MACROH2A2: variants seen among roughly 807,000 people sequenced by gnomAD.
MACROH2A2 encodes the protein macroH2A.2 histone, also known as core histone macro-H2A.2.
In MACROH2A2, 6 loss-of-function variants were observed where a neutral mutation model predicts 37.6. The observed-to-expected ratio is 0.16, with a 90% CI of 0.09 to 0.32. MACROH2A2 has a LOEUF of 0.32. Among genes scored for constraint, MACROH2A2 ranks in the 10% least tolerant of loss-of-function variants. The pLI, the probability that MACROH2A2 is intolerant of heterozygous loss-of-function variation, is 1.00. For missense variants in MACROH2A2, 290 were observed against 485.9 expected, an observed-to-expected ratio of 0.60 and a Z score of 3.79; for synonymous variants, 192 against 202.7, an observed-to-expected ratio of 0.95 and a Z score of 0.45.
chr10:70,063,539 A>AT, intron 1 of MACROH2A2, among the ~76,000 whole-genome samples: 1 of 152,276 alleles, frequency 6.6e-6, no homozygotes, highest in African/African-American at 2.4e-5. Flanking sequence ...TGTGATCTTA[A>AT]TTTTTTAACA....
At chr10:70,105,267 C>T (rs954350705) in intron 7 of MACROH2A2, among the ~76,000 whole-genome samples, 12 of 152,174 alleles carry the variant, frequency 7.9e-5, no homozygotes, top group African/African-American at 2.4e-4. Context: ...TGCTGTCGGG[C>T]GCAGGCATCA....
intron 7 of MACROH2A2, among the ~76,000 whole-genome samples, chr10:70,105,999 C>G (rs899070427): frequency 1.3e-5 from 2 of 152,018 alleles, no homozygotes; most frequent in African/African-American, 4.8e-5. Context: ...AGCACTGGGC[C>G]CAGACACGCA....
Position 70,090,129 on chromosome 10 carries a change from T to C in MACROH2A2, c.242T>C (p.Ile81Thr). ...AAGGCCCGGATAGCCCCGAGACACA[T>C]CTTGCTGGCAGTTGCCAATGACGAG... The part of the protein sequence containing the change: ...NKKARIAPRH[I>T]LLAVANDEEL... Residue 81 changes from isoleucine (I) to threonine (T), a missense_variant, in exon 3 of 9, where the codon ATC becomes ACC. Ile to Thr is a moderately conservative substitution (Grantham distance 89). Coordinates refer to ENST00000373255, the MANE Select transcript of MACROH2A2 (RefSeq NM_018649.3). 6.2e-7 allele frequency: 1 copy of C among 1,613,832 alleles called. No homozygotes were observed. Among genetic ancestry groups the C allele is most frequent in the Non-Finnish European group, 8.5e-7 (1 of 1,179,714 alleles).
At position 70,095,580 on chromosome 10, in the gene MACROH2A2, A is replaced by G. The variant is rs2072271919; in HGVS notation, c.589-74A>G. 10 of 769,096 alleles carry G rather than the reference A, an allele frequency of 1.3e-5. No homozygotes were observed. In the South Asian group the frequency reaches 1.4e-4, roughly 11 times the overall value. 47.6% of individuals were successfully genotyped at this position (769,096 alleles called of 1,614,324 possible). A position where few individuals can be genotyped will look rare whatever the true frequency, so the allele number is the denominator to read the frequency against. On this transcript the variant is annotated intron_variant, in intron 5 of 8. Transcript: ENST00000373255. ...ATGAATAATTAAAGAGAATTAATGAATGCAAGTAAAATATGAGATTTTTCA... is the reference window on the plus strand; with the variant it reads ...ATGAATAATTAAAGAGAATTAATGAGTGCAAGTAAAATATGAGATTTTTCA...
chr10:70,085,805 A>G lies in MACROH2A2; in HGVS notation c.173-4255A>G, dbSNP rs184529471. ...CTTCCCACAACATTTGCAGTAGAGT[A>G]AATTTAGTGCTGTATAAATCCAGTT... On this transcript the variant is annotated intron_variant, in intron 2 of 8. Transcript: ENST00000373255. Among the ~76,000 whole-genome samples, 189 of 152,316 alleles carry G rather than the reference A, an allele frequency of 1.2e-3. 2 individuals carry two copies. The highest frequency in any genetic ancestry group is 4.3e-3 in the African/African-American group (179 of 41,578).
chr10:70,075,452 C>G lies in MACROH2A2; in HGVS notation c.-59-148C>G. The G allele has an allele frequency of 1.8e-6, 1 of 558,478 alleles. No individual in the cohort carries two copies. Among genetic ancestry groups the G allele is most frequent in the South Asian group, 2.2e-5 (1 of 45,222 alleles). 34.6% of individuals were successfully genotyped at this position (558,478 alleles called of 1,614,324 possible). ...CCTTCAGAGACCCCATGCCTGACTC[C>G]GTGCCTCCTGCACCTGCAGTAGCAG... is the stretch of plus-strand genomic sequence containing the variant. On this transcript the variant is annotated intron_variant, in intron 1 of 8. Transcript: ENST00000373255. This position sits in a 1 kb window ranked among gnomAD's most constrained non-coding sequence, Gnocchi z 5.0.
chr10:70,110,415 C>T (rs1013645902), intron 8 of MACROH2A2, among the ~76,000 whole-genome samples: 1 of 152,192 alleles, frequency 6.6e-6, no homozygotes, highest in Non-Finnish European at 1.5e-5. Flanking sequence ...AAAGGACTTA[C>T]GAAGACAGGT....
intron 1 of MACROH2A2, among the ~76,000 whole-genome samples, chr10:70,058,776 T>C (rs748080782): frequency 3.3e-4 from 51 of 152,272 alleles, no homozygotes; most frequent in Middle Eastern, 6.8e-3. Context: ...TTATACAATA[T>C]GCAACATAAA....
intron 4 of MACROH2A2, among the ~76,000 whole-genome samples, chr10:70,093,511 T>C (rs572730923): frequency 2.2e-3 from 333 of 152,350 alleles, no homozygotes; most frequent in African/African-American, 7.6e-3. Context: ...ACTGCAGGTA[T>C]GTGTGAGCCC....
At chr10:70,097,694 G>A (rs1180048393) in intron 6 of MACROH2A2, among the ~76,000 whole-genome samples, 1 of 152,134 alleles carries the variant, frequency 6.6e-6, no homozygotes, top group African/African-American at 2.4e-5. Flanking sequence ...ACTTGTAACA[G>A]ATAAGGGCTG....
At chr10:70,103,403 TTGC>T (rs1307771673) in intron 7 of MACROH2A2, among the ~76,000 whole-genome samples, 1 of 152,200 alleles carries the variant, frequency 6.6e-6, no homozygotes, top group African/African-American at 2.4e-5. Flanking sequence ...AGATGGGTTC[TTGC>T]TGTGTTGCCC....
In MACROH2A2 at chr10:70,091,882, A is replaced by G. The variant is rs2072247080; in HGVS notation, c.405A>G (p.Arg135=). 3 of 1,614,076 alleles carry G rather than the reference A, an allele frequency of 1.9e-6. No individual in the cohort carries two copies. The highest frequency in any genetic ancestry group is 3.3e-4 in the Middle Eastern group (2 of 6,060). Residue 135 remains arginine (R), a synonymous_variant, in exon 4 of 9, where the codon AGA becomes AGG. Transcript: ENST00000373255. ...ETILSPPPEK[R]GRKATSGKKG... ...TCCTCTCCCCACCCCCAGAGAAAAG[A>G]GGCAGGAAGGCCACGTCAGGCAAGA... is the stretch of plus-strand genomic sequence containing the variant.
chr10:70,058,034 A>T (rs1425825118), intron 1 of MACROH2A2, among the ~76,000 whole-genome samples: 1 of 152,160 alleles, frequency 6.6e-6, no homozygotes, highest in Non-Finnish European at 1.5e-5. Context: ...CTTTCCGATG[A>T]TTCTCAGATG....
intron 4 of MACROH2A2, among the ~76,000 whole-genome samples, chr10:70,092,860 AGTGGAATTTCAG>A (rs372015767): frequency 7.2e-5 from 11 of 152,306 alleles, no homozygotes; most frequent in African/African-American, 2.6e-4. Context: ...GAGTTCCGCC[AGTGGAATTTCAG>A]GTGTTTGGCA....
At chr10:70,065,351 A>G (rs1227722247) in intron 1 of MACROH2A2, among the ~76,000 whole-genome samples, 1 of 152,158 alleles carries the variant, frequency 6.6e-6, no homozygotes, top group Non-Finnish European at 1.5e-5. Context: ...TGCTGGGATT[A>G]TAAGCGTAAG....
chr10:70,103,519 C>T (rs1287827893), intron 7 of MACROH2A2, among the ~76,000 whole-genome samples: 1 of 152,170 alleles, frequency 6.6e-6, no homozygotes, highest in Non-Finnish European at 1.5e-5. Flanking sequence ...CAACACACTT[C>T]TAAACAGAGT....
chr10:70,059,365 G>C (rs556449591), intron 1 of MACROH2A2, among the ~76,000 whole-genome samples: 5 of 149,086 alleles, frequency 3.4e-5, no homozygotes, highest in African/African-American at 1.2e-4. Context: ...TTATATATTA[G>C]AGTATAATTT....
intron 1 of MACROH2A2, among the ~76,000 whole-genome samples, chr10:70,070,987 G>GCA (rs748883525): frequency 0.029 from 4,455 of 151,382 alleles, 233 homozygotes; most frequent in African/African-American, 0.1. Context: ...GTGTGTGTCT[G>GCA]TGTGCATGTG....
At chr10:70,092,961 G>A (rs2072254865) in intron 4 of MACROH2A2, among the ~76,000 whole-genome samples, 2 of 151,718 alleles carry the variant, frequency 1.3e-5, no homozygotes, top group South Asian at 2.1e-4. Flanking sequence ...ATAGAATAAT[G>A]TTTTCCTATG....
Sources: allele counts gnomAD v4.1 joint callset (sites outside exome capture counted in the v4.1 genomes callset), GRCh38; gene constraint gnomAD v4.1.1; non-coding constraint Gnocchi (gnomAD v3.1); transcripts MANE v1.5; gene names NCBI Gene and HGNC (gene_info 2026-07-23, HGNC 2026-07-21).